SYNPR: variants seen among roughly 807,000 people sequenced by gnomAD.
The protein encoded by SYNPR is synaptoporin.
In SYNPR, 23 loss-of-function variants were observed where a neutral mutation model predicts 32.9. The observed-to-expected ratio is 0.70, with a 90% CI of 0.50 to 0.99. The LOEUF is 0.99. Among genes scored for constraint, SYNPR ranks in the 50% least tolerant of loss-of-function variants. The probability of loss-of-function intolerance (pLI) is 0.00; values close to 1 mark genes in which losing one functional copy is unlikely to be tolerated. For synonymous variants in SYNPR, 146 were observed against 135.9 expected, an observed-to-expected ratio of 1.07 and a Z score of -0.52; for missense variants, 318 against 349.3, an observed-to-expected ratio of 0.91 and a Z score of 0.71.
intron 2 of SYNPR, among the ~76,000 whole-genome samples, chr3:63,379,013 A>G (rs2087931479): frequency 6.6e-6 from 1 of 152,158 alleles, no homozygotes; most frequent in African/African-American, 2.4e-5. Flanking sequence ...ATTTTCATTC[A>G]ATTCAATGTA....
chr3:63,497,020 T>A (rs1030010909), intron 3 of SYNPR, among the ~76,000 whole-genome samples: 4 of 152,142 alleles, frequency 2.6e-5, no homozygotes, highest in African/African-American at 9.7e-5. Flanking sequence ...CCATGGCTCA[T>A]CCATCACCCA....
chr3:63,310,914 A>T (rs189748889), intron 2 of SYNPR, among the ~76,000 whole-genome samples: 2 of 152,042 alleles, frequency 1.3e-5, no homozygotes, highest in South Asian at 2.1e-4. Context: ...ACTTATCCCA[A>T]TGTGGTAGAG....
intron 3 of SYNPR, among the ~76,000 whole-genome samples, chr3:63,514,136 T>C (rs1559522450): frequency 6.6e-6 from 1 of 152,180 alleles, no homozygotes; most frequent in Non-Finnish European, 1.5e-5. Context: ...CAATAAGGCA[T>C]GTAGGTATAA....
intron 2 of SYNPR, among the ~76,000 whole-genome samples, chr3:63,384,334 T>A (rs1324039141): frequency 6.6e-6 from 1 of 152,220 alleles, no homozygotes; most frequent in Non-Finnish European, 1.5e-5. Flanking sequence ...GATATTAATA[T>A]ATATCCTCCA....
intron 2 of SYNPR, among the ~76,000 whole-genome samples, chr3:63,282,684 G>GAAA (rs34234414): frequency 1.0e-4 from 12 of 115,890 alleles, no homozygotes; most frequent in South Asian, 2.8e-4. Flanking sequence ...CACTGTCTCA[G>GAAA]AAAAAAAAAA....
At chr3:63,435,846 A>G (rs1157789539) in intron 2 of SYNPR, among the ~76,000 whole-genome samples, 2 of 152,230 alleles carry the variant, frequency 1.3e-5, no homozygotes, top group Non-Finnish European at 2.9e-5. Context: ...ATAATTAAGA[A>G]ATATGTCAGA....
intron 2 of SYNPR, among the ~76,000 whole-genome samples, chr3:63,284,935 A>G (rs2086666587): frequency 6.6e-6 from 1 of 152,202 alleles, no homozygotes; most frequent in Non-Finnish European, 1.5e-5. Context: ...GGAGGCTCAA[A>G]GATGTTAACC....
chr3:63,441,301 G>T (rs60982615), intron 2 of SYNPR, among the ~76,000 whole-genome samples: 48,873 of 152,142 alleles, frequency 0.32, 8,245 homozygotes, highest in Middle Eastern at 0.37. Context: ...GTAGAAGACA[G>T]AACTTTTTTC....
Position 63,443,875 on chromosome 3 carries a change from T to A in SYNPR, c.85-36957T>A, listed in dbSNP as rs117573713. 1.2e-4 allele frequency among the ~76,000 whole-genome samples: 19 copies of A among 152,258 alleles called. No homozygotes were observed. The East Asian group carries it at 3.7e-3, about 29-fold the overall frequency. ...TAAAGTTTCTTCATCAGTGTCAGAG[T>A]GAAAATTACTTAAACTCCATATACA... On this transcript the variant is annotated intron_variant, in intron 2 of 5. Coordinates refer to ENST00000478300, the MANE Select transcript of SYNPR (RefSeq NM_001130003.2).
At chr3:63,389,833 T>A (rs527620197) in intron 2 of SYNPR, among the ~76,000 whole-genome samples, 1 of 152,354 alleles carries the variant, frequency 6.6e-6, no homozygotes, top group East Asian at 1.9e-4. Flanking sequence ...TTCTCACATA[T>A]AAAGTGGAGC....
intron 2 of SYNPR, among the ~76,000 whole-genome samples, chr3:63,398,642 C>T (rs546528878): frequency 1.2e-4 from 18 of 151,838 alleles, no homozygotes; most frequent in Non-Finnish European, 1.9e-4. Flanking sequence ...TGGCGTGAAC[C>T]TAGGAGGCGG....
intron 1 of SYNPR, among the ~76,000 whole-genome samples, chr3:63,233,257 G>A (rs1213324419): frequency 1.3e-5 from 2 of 152,194 alleles, no homozygotes; most frequent in East Asian, 3.8e-4. Context: ...TGAAACCACT[G>A]TTCTAGCTCC....
At chr3:63,529,558 C>T (rs6801282) in intron 3 of SYNPR, among the ~76,000 whole-genome samples, 52,180 of 152,046 alleles carry the variant, frequency 0.34, 9,126 homozygotes, top group Admixed American at 0.42. Flanking sequence ...TAGAATGTGA[C>T]AGTTGAACCT....
chr3:63,459,438 G>GC, intron 2 of SYNPR, among the ~76,000 whole-genome samples: 1 of 152,200 alleles, frequency 6.6e-6, no homozygotes, highest in East Asian at 1.9e-4. Context: ...AGGTAATTAA[G>GC]CAGCACTACA....
At chr3:63,450,595 T>C (rs1156572873) in intron 2 of SYNPR, among the ~76,000 whole-genome samples, 1 of 152,216 alleles carries the variant, frequency 6.6e-6, no homozygotes, top group Non-Finnish European at 1.5e-5. Context: ...TGAGACAGGT[T>C]CCTGGTTTTT....
intron 3 of SYNPR, among the ~76,000 whole-genome samples, chr3:63,494,419 GTATA>G (rs376392666): frequency 7.7e-5 from 7 of 91,224 alleles, no homozygotes; most frequent in African/African-American, 2.3e-4. Flanking sequence ...ATATATATAC[GTATA>G]TATATATATA....
At chr3:63,395,022 C>T (rs998306854) in intron 2 of SYNPR, among the ~76,000 whole-genome samples, 6 of 152,136 alleles carry the variant, frequency 3.9e-5, no homozygotes, top group African/African-American at 9.7e-5. Flanking sequence ...AGCGTGCTCC[C>T]TTAACTCACA....
chr3:63,593,856 T>G (rs185356201), intron 4 of SYNPR, among the ~76,000 whole-genome samples: 3 of 152,132 alleles, frequency 2.0e-5, no homozygotes, highest in African/African-American at 7.2e-5. Flanking sequence ...TATAGGCCAC[T>G]GGAGGGAGGA....
chr3:63,554,703 G>C (rs1575708272), intron 3 of SYNPR, among the ~76,000 whole-genome samples: 1 of 150,498 alleles, frequency 6.6e-6, no homozygotes, highest in South Asian at 2.1e-4. Context: ...CTCTTTTTTT[G>C]GGTTCCATAT....
Sources: gnomAD v4.1 joint callset for allele counts (sites outside exome capture counted in the v4.1 genomes callset) on GRCh38, gnomAD v4.1.1 for gene constraint, MANE v1.5 for transcripts, NCBI Gene and HGNC (gene_info 2026-07-23, HGNC 2026-07-21) for gene names.